Variants in SPHKAP observed in about 807,000 individuals in gnomAD.
SPHKAP encodes the protein SPHK1 interactor, AKAP domain containing, also known as A-kinase anchor protein SPHKAP.
SPHKAP carries 67 observed loss-of-function variants against 137.5 expected under a neutral mutation model. The observed-to-expected ratio is 0.49, with a 90% CI of 0.40 to 0.60. The LOEUF (loss-of-function observed/expected upper bound fraction) is 0.60. SPHKAP is among the 20% of genes least tolerant of loss of function. The pLI is 0.00. For missense variants in SPHKAP, 2,097 were observed against 2,069.3 expected, an observed-to-expected ratio of 1.01 and a Z score of -0.26; for synonymous variants, 813 against 785.3, an observed-to-expected ratio of 1.04 and a Z score of -0.59.
chr2:228,138,536 A>G (rs1699503138), intron 1 of SPHKAP, among the ~76,000 whole-genome samples: 1 of 152,174 alleles, frequency 6.6e-6, no homozygotes, highest in African/African-American at 2.4e-5. Context: ...TCACCAACTC[A>G]TTGGTAGCTG....
At position 228,164,073 on chromosome 2, in the gene SPHKAP, A is replaced by G. The variant is rs140932370; in HGVS notation, c.32+17494T>C. Among the ~76,000 whole-genome samples, 838 of 152,272 alleles carry G rather than the reference A, an allele frequency of 5.5e-3. 11 individuals are homozygous for G. Among genetic ancestry groups the G allele is most frequent in the Non-Finnish European group, 4.8e-3 (327 of 68,014 alleles). On this transcript the variant is annotated intron_variant, in intron 1 of 11. Coordinates refer to ENST00000392056, the MANE Select transcript of SPHKAP (RefSeq NM_001142644.2). ...CAATTGGCTTGCCAGCACAGCAAAA[A>G]CAAAGCAGGTAGAAGAAGATGGGAT...
Position 228,018,303 on chromosome 2 carries a change from T to C in SPHKAP, c.2551A>G (p.Asn851Asp), listed in dbSNP as rs1274527087. Residue 851 changes from asparagine (N) to aspartate (D), a missense_variant, in exon 7 of 12, where the codon AAT becomes GAT. Transcript: ENST00000392056. ...EDTKSPHHSE[N>D]ECRASSEGQR... Reference sequence around the variant, plus strand: ...CCTTCGGAAGAGGCTCTGCATTCATTCTCACTGTGATGAGGGCTTTTTGTA... The same window carrying C: ...CCTTCGGAAGAGGCTCTGCATTCATCCTCACTGTGATGAGGGCTTTTTGTA... 1 of 1,614,212 alleles carries C rather than the reference T, an allele frequency of 6.2e-7. No individual in the cohort carries two copies.
intron 3 of SPHKAP, among the ~76,000 whole-genome samples, chr2:228,045,585 G>T (rs1015120919): frequency 5.3e-5 from 8 of 151,856 alleles, no homozygotes; most frequent in Non-Finnish European, 1.0e-4. Flanking sequence ...ACATCACACA[G>T]CGGGGACTGT....
intron 2 of SPHKAP, among the ~76,000 whole-genome samples, chr2:228,116,155 T>A (rs545711812): frequency 3.3e-5 from 5 of 152,078 alleles, no homozygotes; most frequent in Non-Finnish European, 5.9e-5. Flanking sequence ...TCTGACAAAC[T>A]AAAACAGAGA....
At chr2:228,136,338 G>A (rs961143187) in intron 1 of SPHKAP, among the ~76,000 whole-genome samples, 1 of 152,130 alleles carries the variant, frequency 6.6e-6, no homozygotes, top group African/African-American at 2.4e-5. Context: ...CATAAACATG[G>A]GAAAGAAGGC....
chr2:228,151,134 C>G (rs1559201733), intron 1 of SPHKAP, among the ~76,000 whole-genome samples: 1 of 147,596 alleles, frequency 6.8e-6, no homozygotes, highest in Admixed American at 7.1e-5. Flanking sequence ...CTTCCTGTGT[C>G]CATGTGTTCT....
intron 1 of SPHKAP, among the ~76,000 whole-genome samples, chr2:228,159,117 T>A (rs1246067817): frequency 6.6e-6 from 1 of 152,134 alleles, no homozygotes; most frequent in Non-Finnish European, 1.5e-5. Flanking sequence ...CTCTGAGCTC[T>A]CCCCTGCTGT....
chr2:228,128,128 T>A, intron 2 of SPHKAP, among the ~76,000 whole-genome samples: 1 of 152,184 alleles, frequency 6.6e-6, no homozygotes, highest in Admixed American at 6.5e-5. Context: ...ATGAACTCTA[T>A]TTTCATGAAA....
At chr2:228,062,241 C>A (rs940213942) in intron 3 of SPHKAP, among the ~76,000 whole-genome samples, 2 of 151,462 alleles carry the variant, frequency 1.3e-5, no homozygotes, top group Admixed American at 1.3e-4. Flanking sequence ...TCTCCTGCTT[C>A]AGCCTCCCAA....
At chr2:228,119,268 G>A (rs67681818) in intron 2 of SPHKAP, among the ~76,000 whole-genome samples, 51,990 of 151,648 alleles carry the variant, frequency 0.34, 9,130 homozygotes, top group East Asian at 0.5. Context: ...CCAGTAGTGG[G>A]AAAAGAATCT....
intron 5 of SPHKAP, 85 bp downstream of exon 5, chr2:228,025,309 G>T: frequency 7.5e-7 from 1 of 1,334,502 alleles, no homozygotes; most frequent in Non-Finnish European, 1.0e-6. Context: ...AAGCTTATGT[G>T]TAGCATCTGT....
intron 1 of SPHKAP, among the ~76,000 whole-genome samples, chr2:228,171,257 C>T (rs1366914527): frequency 1.3e-5 from 2 of 152,098 alleles, no homozygotes; most frequent in Non-Finnish European, 2.9e-5. Context: ...TTATTCTTGG[C>T]TTAACTTCTA....
chr2:228,032,014 G>A (rs188799110), intron 3 of SPHKAP, among the ~76,000 whole-genome samples: 50 of 152,280 alleles, frequency 3.3e-4, no homozygotes, highest in African/African-American at 6.5e-4. Context: ...CACCAGCAAC[G>A]GAACAAAGCT....
chr2:228,108,998 G>A (rs1314607460), intron 2 of SPHKAP, 59 bp from the exon 3 acceptor site: 4 of 1,056,404 alleles, frequency 3.8e-6, no homozygotes, highest in Non-Finnish European at 5.3e-6. Context: ...CTAAACAGCA[G>A]CTCTCTCTCT....
At chr2:228,010,811 T>G (rs184729863) in intron 7 of SPHKAP, among the ~76,000 whole-genome samples, 266 of 152,340 alleles carry the variant, frequency 1.7e-3, no homozygotes, top group African/African-American at 6.1e-3. Flanking sequence ...TATGTCTCAT[T>G]TTTTCCAAAT....
chr2:228,135,945 T>A (rs1235299354), intron 1 of SPHKAP, among the ~76,000 whole-genome samples: 1 of 152,208 alleles, frequency 6.6e-6, no homozygotes, highest in African/African-American at 2.4e-5. Flanking sequence ...GCATGTAATA[T>A]GAGTGTGCAT....
intron 1 of SPHKAP, among the ~76,000 whole-genome samples, chr2:228,150,900 C>A (rs1699908996): frequency 6.6e-6 from 1 of 151,880 alleles, no homozygotes; most frequent in South Asian, 2.1e-4. Context: ...CAGGTAAGCA[C>A]CACCATGCAT....
chr2:228,058,563 T>A (rs577909746), intron 3 of SPHKAP, among the ~76,000 whole-genome samples: 2 of 152,152 alleles, frequency 1.3e-5, no homozygotes, highest in East Asian at 3.9e-4. Context: ...GCTGGAGGGA[T>A]CTGTTACCTG....
intron 7 of SPHKAP, among the ~76,000 whole-genome samples, chr2:228,000,548 G>A (rs1292195153): frequency 1.3e-5 from 2 of 152,042 alleles, no homozygotes; most frequent in Admixed American, 1.3e-4. Flanking sequence ...AACCCATGAG[G>A]TGGAGGTTGC....
Sources: allele counts gnomAD v4.1 joint callset (sites outside exome capture counted in the v4.1 genomes callset), GRCh38; gene constraint gnomAD v4.1.1; transcripts MANE v1.5; gene names NCBI Gene and HGNC (gene_info 2026-07-23, HGNC 2026-07-21).